Variants in CACNG8 observed in about 807,000 individuals in gnomAD.
The protein encoded by CACNG8 is voltage-dependent calcium channel gamma-8 subunit.
CACNG8 carries 5 observed loss-of-function variants against 26.9 expected under a neutral mutation model. That is an observed-to-expected ratio of 0.19 (90% CI 0.10 to 0.39). CACNG8 has a LOEUF of 0.39. CACNG8 is among the 10% of genes least tolerant of loss of function. CACNG8 has a pLI of 1.00. For missense variants in CACNG8, 473 were observed against 609.4 expected (o/e 0.78, Z 2.36); for synonymous variants, 321 against 296.7 (o/e 1.08, Z -0.84).
chr19:53,963,077 G>T lies in CACNG8; in HGVS notation c.-66G>T, dbSNP rs1176446577. 5.9e-6 allele frequency: 4 copies of T among 674,402 alleles called. No homozygotes were observed. The highest frequency in any genetic ancestry group is 6.5e-4 in the Middle Eastern group (1 of 1,536). The allele number at this position is 674,402 out of a possible 1,614,324, so 41.8% of individuals were successfully genotyped here. A position where few individuals can be genotyped will look rare whatever the true frequency, so the allele number is the denominator to read the frequency against. ...CTGCGCTGTGAACCCCCCCCCAGCCGCCGGCACGGCCCCGCCCCCGCTGCC... is the reference window on the plus strand; with the variant it reads ...CTGCGCTGTGAACCCCCCCCCAGCCTCCGGCACGGCCCCGCCCCCGCTGCC... On this transcript the variant is annotated 5_prime_UTR_variant, in exon 1 of 4. Coordinates refer to ENST00000270458, the MANE Select transcript of CACNG8 (RefSeq NM_031895.6).
At chr19:53,970,313 A>C (rs116356035) in intron 1 of CACNG8, among the ~76,000 whole-genome samples, 4,387 of 148,316 alleles carry the variant, frequency 0.03, 96 homozygotes, top group South Asian at 0.078. Flanking sequence ...GAGATCCCAG[A>C]GTGAGAAAGA....
chr19:53,964,270 G>A (rs539194925), intron 1 of CACNG8, among the ~76,000 whole-genome samples: 30 of 148,580 alleles, frequency 2.0e-4, no homozygotes, highest in East Asian at 6.0e-4. Context: ...CCAGTCTTCC[G>A]GTCTGTCTCT....
At chr19:53,963,533 C>T (rs1314667364) in intron 1 of CACNG8, 108 bp downstream of exon 1, 3 of 1,136,812 alleles carry the variant, frequency 2.6e-6, no homozygotes, top group Non-Finnish European at 2.4e-6. Flanking sequence ...GGGCACCCCT[C>T]CTCCTCTGCC....
Position 53,982,853 on chromosome 19 carries a change from C to A in CACNG8, c.*4C>A. On this transcript the variant is annotated 3_prime_UTR_variant, in exon 4 of 4. Coordinates refer to ENST00000270458, the MANE Select transcript of CACNG8 (RefSeq NM_031895.6). This position sits in a 1 kb window ranked among gnomAD's most constrained non-coding sequence, Gnocchi z 8.4. ...CAGGAAAACCACGCCTGTGTAGGGG[C>A]GCGGCGGGGGAGCCGAGGGGCGTGT... The A allele has an allele frequency of 1.5e-6, 2 of 1,311,494 alleles. No homozygotes were observed. The highest frequency in any genetic ancestry group is 1.6e-5 in the African/African-American group (1 of 63,664). 81.2% of individuals were successfully genotyped at this position (1,311,494 alleles called of 1,614,324 possible). A position where few individuals can be genotyped will look rare whatever the true frequency, so the allele number is the denominator to read the frequency against.
At chr19:53,971,030 G>A (rs899156676) in intron 1 of CACNG8, among the ~76,000 whole-genome samples, 2 of 150,414 alleles carry the variant, frequency 1.3e-5, no homozygotes, top group Admixed American at 6.6e-5. Context: ...GGTGGCTCAC[G>A]CCTGTAATCC....
At chr19:53,973,579 C>A (rs778690925) in intron 1 of CACNG8, among the ~76,000 whole-genome samples, 1 of 151,818 alleles carries the variant, frequency 6.6e-6, no homozygotes, top group Non-Finnish European at 1.5e-5. Context: ...GTACTCCCAG[C>A]ACTTTGGAAG....
chr19:53,971,303 AAG>A (rs2069301509), intron 1 of CACNG8, among the ~76,000 whole-genome samples: 1 of 152,002 alleles, frequency 6.6e-6, no homozygotes, highest in African/African-American at 2.4e-5. Context: ...AAAAAAAAAA[AAG>A]AAAATTAAAA....
Position 53,982,237 on chromosome 19 carries a change from G to C in CACNG8, c.666G>C (p.Leu222=). The change falls in exon 4 of 4, where the codon CTG becomes CTC. Residue 222 remains leucine, a synonymous_variant. Transcript: ENST00000270458. This position sits in a 1 kb window ranked among gnomAD's most constrained non-coding sequence, Gnocchi z 8.4. ...TCCTGGCCGAGGTGATAGGCGTGCT[G>C]GCCGTCAACATCTACATCGAGCGCA... The C allele has an allele frequency of 1.2e-6, 2 of 1,612,976 alleles. No individual in the cohort carries two copies. Among genetic ancestry groups the C allele is most frequent in the South Asian group, 2.2e-5 (2 of 91,040 alleles).
At position 53,974,381 on chromosome 19, in the gene CACNG8, G is replaced by C. The variant is rs567616742; in HGVS notation, c.284-3765G>C. On this transcript the variant is annotated intron_variant, in intron 1 of 3. Transcript: ENST00000270458. ...TGTCAACGGGCACTGGGGTGTTTCC[G>C]CTTTTTGGCTATTGTGAAAAATGCT... Among the ~76,000 whole-genome samples the C allele has an allele frequency of 5.3e-5, 8 of 152,226 alleles. No individual in the cohort carries two copies. In the South Asian group the frequency reaches 1.7e-3, roughly 32 times the overall value.
intron 1 of CACNG8, among the ~76,000 whole-genome samples, chr19:53,970,868 G>A (rs897238589): frequency 6.7e-6 from 1 of 150,334 alleles, no homozygotes; most frequent in Non-Finnish European, 1.5e-5. Flanking sequence ...GAAGGTCGAG[G>A]CTGCAGTGAG....
intron 3 of CACNG8, 90 bp from the exon 4 acceptor site, chr19:53,981,990 C>T (rs2145942167): frequency 1.5e-6 from 2 of 1,368,910 alleles, no homozygotes; most frequent in Admixed American, 7.6e-5. Flanking sequence ...GCGCCTGGGC[C>T]CGCTGGCGCA....
intron 1 of CACNG8, among the ~76,000 whole-genome samples, chr19:53,969,427 T>C (rs1269396802): frequency 1.8e-5 from 2 of 110,166 alleles, no homozygotes; most frequent in Non-Finnish European, 3.5e-5. Flanking sequence ...ATTTGTTTAC[T>C]TTTTTTTTTT....
At chr19:53,969,525 A>C (rs2069290228) in intron 1 of CACNG8, among the ~76,000 whole-genome samples, 1 of 151,056 alleles carries the variant, frequency 6.6e-6, no homozygotes, top group South Asian at 2.1e-4. Context: ...CTCTCAACGC[A>C]TTGGGATTAC....
intron 1 of CACNG8, among the ~76,000 whole-genome samples, chr19:53,974,914 A>C (rs1418585940): frequency 6.6e-6 from 1 of 150,534 alleles, no homozygotes; most frequent in Admixed American, 6.6e-5. Context: ...TGCTGGGATT[A>C]CTGACGTGAG....
intron 1 of CACNG8, among the ~76,000 whole-genome samples, chr19:53,969,517 C>T (rs2069290158): frequency 6.6e-6 from 1 of 151,786 alleles, no homozygotes; most frequent in African/African-American, 2.4e-5. Context: ...CCCCCGGCCT[C>T]TCAACGCATT....
intron 1 of CACNG8, among the ~76,000 whole-genome samples, chr19:53,973,524 TA>T (rs778369313): frequency 7.1e-6 from 1 of 139,944 alleles, no homozygotes; most frequent in African/African-American, 2.7e-5. Flanking sequence ...CTCTATCTCT[TA>T]AAAAAAATAA....
intron 2 of CACNG8, 147 bp from the exon 3 acceptor site, chr19:53,979,720 A>G (rs977301560): frequency 8.3e-6 from 6 of 724,146 alleles, no homozygotes; most frequent in Non-Finnish European, 8.2e-6. Context: ...ATGAGGCAAC[A>G]GTAAAATAAA....
In CACNG8 at chr19:53,986,166, GAGAT is replaced by G. The variant is rs2069406689; in HGVS notation, c.*3321_*3324del. ...GATAGCAGAAACACACACAGAGACA[GAGAT>G]AGAGAGGGAGAGGTAAGCCGGAGAC... is the stretch of plus-strand genomic sequence containing the variant. On this transcript the variant is annotated 3_prime_UTR_variant, in exon 4 of 4. Coordinates refer to ENST00000270458, the MANE Select transcript of CACNG8 (RefSeq NM_031895.6). 6.6e-6 allele frequency: 1 copy of G among 152,590 alleles called. No individual in the cohort carries two copies. Among genetic ancestry groups the G allele is most frequent in the South Asian group, 2.1e-4 (1 of 4,830 alleles). 9.5% of individuals were successfully genotyped at this position (152,590 alleles called of 1,614,324 possible).
chr19:53,966,987 C>T (rs867783538), intron 1 of CACNG8, among the ~76,000 whole-genome samples: 4 of 152,048 alleles, frequency 2.6e-5, no homozygotes, highest in Non-Finnish European at 2.9e-5. Context: ...GAGCCAGGGG[C>T]GTCTCCAAAG....
Sources: allele counts gnomAD v4.1 joint callset (sites outside exome capture counted in the v4.1 genomes callset), GRCh38; gene constraint gnomAD v4.1.1; non-coding constraint Gnocchi (gnomAD v3.1); transcripts MANE v1.5; gene names NCBI Gene and HGNC (gene_info 2026-07-23, HGNC 2026-07-21).